PARP15: variants seen among roughly 807,000 people sequenced by gnomAD.
The protein encoded by PARP15 is poly(ADP-ribose) polymerase family member 15, also known as protein mono-ADP-ribosyltransferase PARP15.
PARP15 carries 50 observed loss-of-function variants against 62.1 expected under a neutral mutation model. The observed-to-expected ratio is 0.81, with a 90% CI of 0.64 to 1.02. The LOEUF (loss-of-function observed/expected upper bound fraction) is 1.02, where lower values mean the gene tolerates loss of function less well. PARP15 is among the 50% of genes least tolerant of loss of function. The pLI, the probability that PARP15 is intolerant of heterozygous loss-of-function variation, is 0.00. For missense variants in PARP15, 820 were observed against 826.5 expected, an observed-to-expected ratio of 0.99 and a Z score of 0.10; for synonymous variants, 309 against 293.1, an observed-to-expected ratio of 1.05 and a Z score of -0.55.
intron 1 of PARP15, among the ~76,000 whole-genome samples, chr3:122,603,685 G>A (rs1269207364): frequency 6.6e-6 from 1 of 152,178 alleles, no homozygotes; most frequent in Non-Finnish European, 1.5e-5. Flanking sequence ...TCACATCAAT[G>A]CTTTAAGACT....
Position 122,635,928 on chromosome 3 carries a change from C to T in PARP15, c.1865C>T (p.Thr622Ile). The T allele has an allele frequency of 6.2e-7, 1 of 1,614,134 alleles. No individual in the cohort carries two copies. ...CACATGTACGTTGTGCGAGTACTTA[C>T]TGGAGTCTTCACAAAGGGACGTGCA... ...RKHMYVVRVLTGVFTKGRAGL... is the reference protein window; with the variant it reads ...RKHMYVVRVLIGVFTKGRAGL... Residue 622 changes from threonine to isoleucine, a missense_variant, in exon 12 of 12, where the codon ACT becomes ATT. By Grantham distance (89) the Thr-to-Ile change is moderately conservative. Around this residue, in one of 3 missense-constraint regions of PARP15, gnomAD observed 84 missense variants for 79.7 expected, o/e 1.05. Coordinates refer to ENST00000464300, the MANE Select transcript of PARP15 (RefSeq NM_001113523.3).
At position 122,577,827 on chromosome 3, in the gene PARP15, T is replaced by G. The variant is rs1179823789; in HGVS notation, c.160T>G (p.Ser54Ala). 8 of 1,549,798 alleles carry G rather than the reference T, an allele frequency of 5.2e-6. No individual in the cohort carries two copies. The East Asian group carries it at 2.0e-4, about 38-fold the overall frequency. The part of the protein sequence containing the change: ...PAGNRGARKA[S>A]RRSSSRSMSR... ...CGGGAACCGTGGGGCGCGGAAGGCC[T>G]CCCGGCGCTCTTCCTCCCGGAGTAT... is the stretch of plus-strand genomic sequence containing the variant. Residue 54 changes from serine (S) to alanine (A), a missense_variant, in exon 1 of 12, where the codon TCC becomes GCC. Transcript: ENST00000464300.
intron 8 of PARP15, among the ~76,000 whole-genome samples, chr3:122,622,931 A>G (rs1166457717): frequency 2.0e-5 from 3 of 152,148 alleles, no homozygotes; most frequent in Admixed American, 6.6e-5. Flanking sequence ...AGCCACCACC[A>G]TCATTTTAGC....
chr3:122,638,045 T>C lies in PARP15; in HGVS notation c.*1945T>C, dbSNP rs1372621855. On this transcript the variant is annotated 3_prime_UTR_variant, in exon 12 of 12. Coordinates refer to ENST00000464300, the MANE Select transcript of PARP15 (RefSeq NM_001113523.3). ...ATTCCCACCTGTGAGTGAGAACATG[T>C]GGTGTTTGGTTTTTTGTCCTTGCGA... The C allele has an allele frequency of 1.3e-5, 2 of 151,756 alleles. No individual in the cohort carries two copies. Among genetic ancestry groups the C allele is most frequent in the African/African-American group, 2.4e-5 (1 of 41,342 alleles). 9.4% of individuals were successfully genotyped at this position (151,756 alleles called of 1,614,324 possible).
In PARP15 at chr3:122,584,573, C is replaced by CTTTTTTTTTTTTT. The variant is rs377394521; in HGVS notation, c.186+6720_186+6721insTTTTTTTTTTTTT. 1.4e-4 allele frequency among the ~76,000 whole-genome samples: 19 copies of CTTTTTTTTTTTTT among 136,900 alleles called. 1 individual carries two copies. The highest frequency in any genetic ancestry group is 2.4e-4 in the Admixed American group (3 of 12,448). The allele number at this position is 136,900 out of a possible 152,430, so 89.8% of individuals were successfully genotyped here. A position where few individuals can be genotyped will look rare whatever the true frequency, so the allele number is the denominator to read the frequency against. ...TAAGGAAATATTCATCCATTTCTTT[C>CTTTTTTTTTTTTT]CTTTTTTTTTTTTTTCCGAGATGGA... On this transcript the variant is annotated intron_variant, in intron 1 of 11. Coordinates refer to ENST00000464300, the MANE Select transcript of PARP15 (RefSeq NM_001113523.3).
intron 11 of PARP15, 50 bp downstream of exon 11, chr3:122,635,244 C>G (rs1315787086): frequency 1.3e-6 from 2 of 1,556,478 alleles, no homozygotes; most frequent in Non-Finnish European, 1.8e-6. Context: ...ACAATAGTCT[C>G]AGACTTTTCA....
At chr3:122,585,039 T>G (rs1347706211) in intron 1 of PARP15, among the ~76,000 whole-genome samples, 3 of 152,236 alleles carry the variant, frequency 2.0e-5, no homozygotes, top group Non-Finnish European at 4.4e-5. Flanking sequence ...CTTGATTTGC[T>G]TGACTTTTAT....
chr3:122,580,266 A>G (rs977955537), intron 1 of PARP15, among the ~76,000 whole-genome samples: 2 of 151,842 alleles, frequency 1.3e-5, no homozygotes, highest in African/African-American at 2.4e-5. Flanking sequence ...ATCTCCAACT[A>G]TAATTGTGGA....
intron 9 of PARP15, among the ~76,000 whole-genome samples, chr3:122,627,964 ATT>A (rs1936838472): frequency 1.3e-5 from 2 of 152,254 alleles, no homozygotes; most frequent in Non-Finnish European, 2.9e-5. Context: ...AACTCATGTT[ATT>A]ATAAAGCCCA....
chr3:122,592,250 C>A (rs1933982882), intron 1 of PARP15, among the ~76,000 whole-genome samples: 1 of 152,142 alleles, frequency 6.6e-6, no homozygotes, highest in South Asian at 2.1e-4. Flanking sequence ...TCATGGAATA[C>A]TATACTGCCA....
intron 4 of PARP15, among the ~76,000 whole-genome samples, chr3:122,614,806 A>T (rs1576522569): frequency 6.6e-6 from 1 of 152,120 alleles, no homozygotes; most frequent in Non-Finnish European, 1.5e-5. Context: ...AGGCAGGGGG[A>T]TTGCTTGAGT....
chr3:122,630,641 C>T (rs374113019), intron 9 of PARP15, among the ~76,000 whole-genome samples: 14 of 151,860 alleles, frequency 9.2e-5, no homozygotes, highest in Admixed American at 3.9e-4. Context: ...ATTGTGTCAC[C>T]GCACTCAAGA....
chr3:122,582,929 T>A (rs1933076742), intron 1 of PARP15, among the ~76,000 whole-genome samples: 2 of 135,000 alleles, frequency 1.5e-5, no homozygotes, highest in African/African-American at 5.7e-5. Context: ...ATACAGTGTT[T>A]ACAGTGTTTT....
At position 122,598,311 on chromosome 3, in the gene PARP15, C is replaced by T. The variant is rs561397941; in HGVS notation, c.187-7625C>T. On this transcript the variant is annotated intron_variant, in intron 1 of 11. Coordinates refer to ENST00000464300, the MANE Select transcript of PARP15 (RefSeq NM_001113523.3). ...ACAAACATTTATTATCTCACACTTT[C>T]TGTGATCAGGAATTTGAGAGCAGCT... is the stretch of plus-strand genomic sequence containing the variant. Among the ~76,000 whole-genome samples the T allele has an allele frequency of 7.9e-5, 12 of 152,338 alleles. No individual in the cohort carries two copies. In the South Asian group the frequency reaches 1.7e-3, roughly 21 times the overall value.
intron 1 of PARP15, among the ~76,000 whole-genome samples, chr3:122,593,734 G>A (rs554126347): frequency 6.6e-6 from 1 of 151,910 alleles, no homozygotes; most frequent in East Asian, 1.9e-4. Flanking sequence ...GCCTTTCCCA[G>A]CCCCACCTGC....
chr3:122,578,177 T>A, intron 1 of PARP15, among the ~76,000 whole-genome samples: 1 of 152,004 alleles, frequency 6.6e-6, no homozygotes, highest in Non-Finnish European at 1.5e-5. Context: ...TGAGTTTGCT[T>A]ATGGGGGGCT....
intron 2 of PARP15, 107 bp from the exon 3 acceptor site, chr3:122,610,387 C>A: frequency 9.8e-7 from 1 of 1,019,870 alleles, no homozygotes; most frequent in Non-Finnish European, 1.4e-6. Flanking sequence ...GTTAGTATGA[C>A]AGGCAAAACA....
chr3:122,635,268 T>A (rs1937290662), intron 11 of PARP15, 74 bp downstream of exon 11: 2 of 1,386,378 alleles, frequency 1.4e-6, no homozygotes, highest in Admixed American at 4.5e-5. Flanking sequence ...CCAAGCAGTG[T>A]GGAACCATGG....
chr3:122,589,985 A>T (rs1365834514), intron 1 of PARP15, among the ~76,000 whole-genome samples: 1 of 145,254 alleles, frequency 6.9e-6, no homozygotes, highest in Non-Finnish European at 1.5e-5. Flanking sequence ...TCCTGGGTTC[A>T]TGCCATTCTT....
Sources: allele counts gnomAD v4.1 joint callset (sites outside exome capture counted in the v4.1 genomes callset), GRCh38; gene constraint gnomAD v4.1.1; regional missense constraint gnomAD v4.1.1; transcripts MANE v1.5; gene names NCBI Gene and HGNC (gene_info 2026-07-23, HGNC 2026-07-21).